DLGAP4: variants seen among roughly 807,000 people sequenced by gnomAD.
DLGAP4 encodes DLG associated protein 4, also known as disks large-associated protein 4.
DLGAP4 carries 18 observed loss-of-function variants against 86.9 expected under a neutral mutation model. That is an observed-to-expected ratio of 0.21 (90% CI 0.14 to 0.31). The LOEUF (loss-of-function observed/expected upper bound fraction) is 0.31. DLGAP4 is among the 10% of genes least tolerant of loss of function. DLGAP4 has a pLI of 1.00. For missense variants in DLGAP4, 1,085 were observed against 1,362.6 expected (o/e 0.80, Z 3.21); for synonymous variants, 548 against 574.3 (o/e 0.95, Z 0.65).
At chr20:36,366,130 G>T (rs2030680726) in intron 1 of DLGAP4, among the ~76,000 whole-genome samples, 1 of 151,994 alleles carries the variant, frequency 6.6e-6, no homozygotes, top group African/African-American at 2.4e-5. Context: ...TTTGGTTTTG[G>T]TTTTTTTGAG....
Position 36,500,744 on chromosome 20 carries a change from CCTT to C in DLGAP4, c.2512+137_2512+139del. 1.2e-6 allele frequency: 1 copy of C among 807,432 alleles called. No individual in the cohort carries two copies. Among genetic ancestry groups the C allele is most frequent in the South Asian group, 4.5e-5 (1 of 22,392 alleles). The allele number at this position is 807,432 out of a possible 1,614,324, so 50.0% of individuals were successfully genotyped here. On this transcript the variant is annotated intron_variant, in intron 10 of 12. Transcript: ENST00000339266. This position sits in a 1 kb window ranked among gnomAD's most constrained non-coding sequence, Gnocchi z 4.6. Reference sequence around the variant, plus strand: ...TCTTCTTGGGCTAGTTTTTGAGCTCCCTTCTTACTTTCTTCGCATTCTTCCATC... The same window carrying C: ...TCTTCTTGGGCTAGTTTTTGAGCTCCCTTACTTTCTTCGCATTCTTCCATC...
chr20:36,451,997 T>G (rs1484344667), intron 7 of DLGAP4, among the ~76,000 whole-genome samples: 1 of 152,014 alleles, frequency 6.6e-6, no homozygotes, highest in East Asian at 1.9e-4. Flanking sequence ...TGACCTCAGG[T>G]GATCTGCCTG....
chr20:36,505,558 T>C (rs1177917205), intron 10 of DLGAP4, among the ~76,000 whole-genome samples: 2 of 152,024 alleles, frequency 1.3e-5, no homozygotes, highest in Non-Finnish European at 2.9e-5. Context: ...GAGGATCTCT[T>C]GAGCCCAGGA....
At chr20:36,363,002 A>G (rs2030570881) in intron 1 of DLGAP4, among the ~76,000 whole-genome samples, 1 of 152,172 alleles carries the variant, frequency 6.6e-6, no homozygotes, top group Non-Finnish European at 1.5e-5. Context: ...CAGAGCCTGG[A>G]TTTTTACTTG....
chr20:36,457,385 ATTTTTTTTTT>A (rs869167974), intron 7 of DLGAP4, among the ~76,000 whole-genome samples: 1 of 126,360 alleles, frequency 7.9e-6, no homozygotes. Flanking sequence ...CGCCCGGCTA[ATTTTTTTTTT>A]TTTTTTTTTT....
intron 1 of DLGAP4, among the ~76,000 whole-genome samples, chr20:36,358,607 A>G (rs1304290792): frequency 6.6e-6 from 1 of 152,178 alleles, no homozygotes; most frequent in Non-Finnish European, 1.5e-5. Context: ...GAGATGGAGC[A>G]CATCCTGGCT....
At chr20:36,394,530 C>T (rs534537650) in intron 2 of DLGAP4, among the ~76,000 whole-genome samples, 2 of 152,208 alleles carry the variant, frequency 1.3e-5, no homozygotes, top group Non-Finnish European at 2.9e-5. Flanking sequence ...TGAGCCGGGG[C>T]TGTGTGGGCT....
chr20:36,525,770 G>A, intron 11 of DLGAP4, 81 bp from the exon 12 acceptor site: 1 of 1,584,460 alleles, frequency 6.3e-7, no homozygotes. Flanking sequence ...GGGCCCAGAG[G>A]AACCCTGCTT....
At position 36,523,305 on chromosome 20, in the gene DLGAP4, C is replaced by CT. The variant is rs200858479; in HGVS notation, c.2513-942dup. Among the ~76,000 whole-genome samples, 622 of 152,248 alleles carry CT rather than the reference C, an allele frequency of 4.1e-3. 4 individuals carry two copies. The highest frequency in any genetic ancestry group is 0.014 in the African/African-American group (602 of 41,550). ...CCACTATGCCCGGCTGATGCCAGCA[C>CT]TTTAAAACTAGAAGTCATAATACAA... On this transcript the variant is annotated intron_variant, in intron 10 of 12. Coordinates refer to ENST00000339266, the MANE Select transcript of DLGAP4 (RefSeq NM_001365621.2).
intron 2 of DLGAP4, among the ~76,000 whole-genome samples, chr20:36,411,950 G>T (rs895378494): frequency 6.6e-6 from 1 of 152,164 alleles, no homozygotes; most frequent in East Asian, 1.9e-4. Context: ...CCTTCCTGGT[G>T]CCCCTGTGAG....
At chr20:36,357,781 AG>A (rs2030378987) in intron 1 of DLGAP4, among the ~76,000 whole-genome samples, 1 of 152,268 alleles carries the variant, frequency 6.6e-6, no homozygotes. Flanking sequence ...AAGGGATTAC[AG>A]GGAAATGTCA....
chr20:36,312,166 G>A (rs887921864), intron 1 of DLGAP4, among the ~76,000 whole-genome samples: 6 of 152,160 alleles, frequency 3.9e-5, no homozygotes, highest in Non-Finnish European at 7.3e-5. Flanking sequence ...TCCCGGCTCC[G>A]CTGTGCTTCC....
chr20:36,331,287 C>T (rs1555891532), intron 1 of DLGAP4, among the ~76,000 whole-genome samples: 1 of 151,992 alleles, frequency 6.6e-6, no homozygotes, highest in Non-Finnish European at 1.5e-5. Context: ...TGTGAGAGGC[C>T]AGGTGGGAGG....
chr20:36,467,063 T>TCTCTCTCCCC, intron 7 of DLGAP4, among the ~76,000 whole-genome samples: 1 of 39,382 alleles, frequency 2.5e-5, no homozygotes, highest in African/African-American at 1.2e-4. Flanking sequence ...TCTCTCTCTC[T>TCTCTCTCCCC]CCCCCCCCCT....
At chr20:36,466,932 CTCTCTCTCTCTCTG>C (rs1382074253) in intron 7 of DLGAP4, among the ~76,000 whole-genome samples, 8 of 147,834 alleles carry the variant, frequency 5.4e-5, no homozygotes, top group Non-Finnish European at 8.8e-5. Context: ...CTTGCTCTCT[CTCTCTCTCTCTCTG>C]TCTCTCTCTC....
chr20:36,315,040 GGTGTGTTGCGCCCCCCC>G (rs2065084799), intron 1 of DLGAP4, among the ~76,000 whole-genome samples: 11 of 2,980 alleles, frequency 3.7e-3, no homozygotes, highest in Non-Finnish European at 6.9e-3. Flanking sequence ...ATGTGTGTGT[GGTGTGTTGCGCCCCCCC>G]GTGTGTGGTG....
At chr20:36,439,610 C>G in intron 4 of DLGAP4, 144 bp from the exon 5 acceptor site, 1 of 676,014 alleles carries the variant, frequency 1.5e-6, no homozygotes, top group Non-Finnish European at 2.6e-6. Context: ...TTTAAACAGT[C>G]AAATACAAGC....
intron 1 of DLGAP4, among the ~76,000 whole-genome samples, chr20:36,324,348 AC>A (rs2065197053): frequency 6.6e-6 from 1 of 151,944 alleles, no homozygotes; most frequent in Admixed American, 6.6e-5. Context: ...AATCACTTGA[AC>A]CCGGGAGGCA....
At chr20:36,311,233 T>TCG (rs1555889833) in intron 1 of DLGAP4, among the ~76,000 whole-genome samples, 1 of 149,580 alleles carries the variant, frequency 6.7e-6, no homozygotes, top group African/African-American at 2.5e-5. Flanking sequence ...ACTCGGAGGG[T>TCG]GGGGGGGGTG....
Sources: allele counts gnomAD v4.1 joint callset (sites outside exome capture counted in the v4.1 genomes callset), GRCh38; gene constraint gnomAD v4.1.1; non-coding constraint Gnocchi (gnomAD v3.1); transcripts MANE v1.5; gene names NCBI Gene and HGNC (gene_info 2026-07-23, HGNC 2026-07-21).